Variants in SLC14A2 observed in about 807,000 individuals in gnomAD.
The protein encoded by SLC14A2 is urea transporter 2.
A neutral mutation model predicts 104.6 loss-of-function variants in SLC14A2; 91 were observed. The ratio of observed to expected loss-of-function variants is 0.87; its 90% CI spans 0.73 to 1.04. The LOEUF (loss-of-function observed/expected upper bound fraction) is 1.04, where lower values mean the gene tolerates loss of function less well. Ranked by LOEUF, SLC14A2 falls within the 50% of genes least tolerant of loss-of-function variation. The pLI is 0.00. For missense variants in SLC14A2, 1,189 were observed against 1,156.0 expected, an observed-to-expected ratio of 1.03 and a Z score of -0.41; for synonymous variants, 476 against 466.4, an observed-to-expected ratio of 1.02 and a Z score of -0.27.
chr18:45,210,569 G>T (rs537012100), upstream of SLC14A2, among the ~76,000 whole-genome samples: 6 of 152,326 alleles, frequency 3.9e-5, no homozygotes, highest in African/African-American at 1.4e-4. Flanking sequence ...AGAGCGTAAT[G>T]CTGTTTTGAA....
chr18:45,210,057 A>C (rs970912542), upstream of SLC14A2, among the ~76,000 whole-genome samples: 1 of 152,150 alleles, frequency 6.6e-6, no homozygotes, highest in African/African-American at 2.4e-5. Context: ...TCAAATATCC[A>C]TGTAGGCAAC....
At chr18:45,450,797 G>A (rs1297588108) in intron 1 of SLC14A2, among the ~76,000 whole-genome samples, 1 of 152,190 alleles carries the variant, frequency 6.6e-6, no homozygotes, top group Non-Finnish European at 1.5e-5. Context: ...TAAAGGATTT[G>A]AGTGCAAACC....
At chr18:45,414,990 G>C (rs967731920) in intron 1 of SLC14A2, among the ~76,000 whole-genome samples, 10 of 151,732 alleles carry the variant, frequency 6.6e-5, no homozygotes, top group African/African-American at 2.2e-4. Context: ...AAATTACAAG[G>C]GTGCCTGCTT....
intron 2 of SLC14A2, among the ~76,000 whole-genome samples, chr18:45,625,372 GC>G (rs781292610): frequency 8.1e-4 from 123 of 152,226 alleles, no homozygotes; most frequent in South Asian, 1.2e-3. Flanking sequence ...GGCTTGGTTT[GC>G]CGTCCTATTT....
intron 2 of SLC14A2, among the ~76,000 whole-genome samples, chr18:45,497,556 T>C (rs2144749529): frequency 6.6e-6 from 1 of 152,308 alleles, no homozygotes; most frequent in African/African-American, 2.4e-5. Context: ...GCCTCTCTGT[T>C]GACACCTGGC....
At chr18:45,420,822 C>T (rs1159791785) in intron 1 of SLC14A2, among the ~76,000 whole-genome samples, 2 of 151,304 alleles carry the variant, frequency 1.3e-5, no homozygotes, top group Admixed American at 6.6e-5. Context: ...CTCACGGCAA[C>T]CTCCGCCTCC....
chr18:45,299,125 T>C (rs1257164354), intron 1 of SLC14A2, among the ~76,000 whole-genome samples: 2 of 152,208 alleles, frequency 1.3e-5, no homozygotes, highest in East Asian at 1.9e-4. Context: ...ATAGGCAATG[T>C]TCACCGGAAG....
chr18:45,597,242 G>C (rs2044728845), intron 2 of SLC14A2, among the ~76,000 whole-genome samples: 1 of 152,040 alleles, frequency 6.6e-6, no homozygotes, highest in Non-Finnish European at 1.5e-5. Flanking sequence ...CAGGAGAATT[G>C]CTTGAACCCA....
intron 1 of SLC14A2, among the ~76,000 whole-genome samples, chr18:45,304,266 T>C (rs1173176333): frequency 6.6e-6 from 1 of 152,208 alleles, no homozygotes; most frequent in African/African-American, 2.4e-5. Flanking sequence ...TAAGAATCAA[T>C]GTAGAAAAAT....
chr18:45,352,269 G>A (rs1239098171), intron 1 of SLC14A2, among the ~76,000 whole-genome samples: 2 of 152,018 alleles, frequency 1.3e-5, no homozygotes, highest in East Asian at 1.9e-4. Context: ...TTCTGGAAAG[G>A]GAATGACACA....
At chr18:45,523,324 T>G (rs2043543479) in intron 2 of SLC14A2, among the ~76,000 whole-genome samples, 1 of 151,794 alleles carries the variant, frequency 6.6e-6, no homozygotes, top group African/African-American at 2.4e-5. Context: ...AGGTTTTTTT[T>G]TTGTTTCTTT....
chr18:45,630,631 T>A (rs1296247286), intron 4 of SLC14A2, among the ~76,000 whole-genome samples: 2 of 152,116 alleles, frequency 1.3e-5, no homozygotes, highest in Non-Finnish European at 1.5e-5. Context: ...GCTATTGGTA[T>A]TAAAACAAAA....
At chr18:45,281,687 T>C (rs1333723659) in intron 1 of SLC14A2, among the ~76,000 whole-genome samples, 27 of 152,218 alleles carry the variant, frequency 1.8e-4, no homozygotes, top group Admixed American at 1.8e-3. Context: ...TCACTTTCTA[T>C]GCTTAGTAGA....
intron 1 of SLC14A2, among the ~76,000 whole-genome samples, chr18:45,480,969 G>A (rs1241377069): frequency 3.3e-5 from 5 of 151,890 alleles, no homozygotes; most frequent in Admixed American, 6.6e-5. Context: ...AGAAAATGAA[G>A]CAGACAAAGA....
At chr18:45,449,944 T>TG (rs2086831463) in intron 1 of SLC14A2, among the ~76,000 whole-genome samples, 1 of 152,144 alleles carries the variant, frequency 6.6e-6, no homozygotes, top group Non-Finnish European at 1.5e-5. Context: ...AGCTGAGAGC[T>TG]GGGACACAGA....
chr18:45,339,215 C>T (rs1224314983), intron 1 of SLC14A2, among the ~76,000 whole-genome samples: 1 of 152,184 alleles, frequency 6.6e-6, no homozygotes, highest in Non-Finnish European at 1.5e-5. Flanking sequence ...CTGCCCACCT[C>T]TGCCTCCCAA....
intron 1 of SLC14A2, among the ~76,000 whole-genome samples, chr18:45,453,922 TG>T (rs1318953513): frequency 2.1e-5 from 3 of 145,342 alleles, no homozygotes; most frequent in Admixed American, 7.1e-5. Context: ...TGCAGTGGCA[TG>T]ATCTCGGCTC....
chr18:45,425,866 T>A (rs1453326481), intron 1 of SLC14A2, among the ~76,000 whole-genome samples: 1 of 151,640 alleles, frequency 6.6e-6, no homozygotes, highest in Non-Finnish European at 1.5e-5. Context: ...CCTAGGGTAT[T>A]TTTTTTTAAA....
intron 1 of SLC14A2, 79 bp downstream of exon 1, chr18:45,615,661 A>G (rs2045053110): frequency 6.6e-6 from 1 of 151,812 alleles, no homozygotes; most frequent in African/African-American, 2.4e-5. Flanking sequence ...CAGTATGAGA[A>G]TGGACTATTG....
Sources: gnomAD v4.1 joint callset for allele counts (sites outside exome capture counted in the v4.1 genomes callset) on GRCh38, gnomAD v4.1.1 for gene constraint, MANE v1.5 for transcripts, NCBI Gene and HGNC (gene_info 2026-07-23, HGNC 2026-07-21) for gene names.